The following JAK2 variants were observed in gnomAD, a reference collection of about 807,000 sequenced individuals.
JAK2 encodes the protein tyrosine-protein kinase JAK2.
In JAK2, 86 loss-of-function variants were observed where a neutral mutation model predicts 139.3. That is an observed-to-expected ratio of 0.62 (90% CI 0.52 to 0.74). JAK2 has a LOEUF of 0.74. JAK2 is among the 30% of genes least tolerant of loss of function. The pLI, the probability that JAK2 is intolerant of heterozygous loss-of-function variation, is 0.00. For synonymous variants in JAK2, 490 were observed against 437.7 expected (o/e 1.12, Z -1.49); for missense variants, 1,421 against 1,360.3 (o/e 1.04, Z -0.70).
intron 5 of JAK2, among the ~76,000 whole-genome samples, chr9:5,047,806 G>C (rs1817120482): frequency 6.6e-6 from 1 of 151,948 alleles, no homozygotes; most frequent in African/African-American, 2.4e-5. Context: ...TCGCTCTATT[G>C]TCCAGGCTGG....
At position 5,029,828 on chromosome 9, in the gene JAK2, C is replaced by A; in HGVS notation, c.272C>A (p.Thr91Lys). The A allele has an allele frequency of 1.9e-6, 3 of 1,610,850 alleles. No homozygotes were observed. The highest frequency in any genetic ancestry group is 8.5e-7 in the Non-Finnish European group (1 of 1,177,458). ...YHNMFALMSE[T>K]ERIWYPPNHV... is the part of the protein sequence containing the mutation. Reference sequence around the variant, plus strand: ...AATATGTTTGCTTTAATGAGTGAAACAGAAAGGATCTGGTATCCACCCAAC... The same window carrying A: ...AATATGTTTGCTTTAATGAGTGAAAAAGAAAGGATCTGGTATCCACCCAAC... Residue 91 changes from threonine to lysine, a missense_variant, in exon 4 of 25, where the codon ACA becomes AAA. Coordinates refer to ENST00000381652, the MANE Select transcript of JAK2 (RefSeq NM_004972.4).
chr9:5,123,093 A>G lies in JAK2; in HGVS notation c.3149A>G (p.Tyr1050Cys), dbSNP rs745914121. ...FGVVLYELFT[Y>C]IEKSKSPPAE... is the part of the protein sequence containing the mutation. ...GTGGTTCTGTATGAACTTTTCACAT[A>G]CATTGAGAAGAGTAAAAGTCCACCA... is the stretch of plus-strand genomic sequence containing the variant. The change falls in exon 23 of 25, where the codon TAC becomes TGC. Residue 1050 changes from tyrosine to cysteine, a missense_variant. Tyr to Cys is a radical substitution (Grantham distance 194). Coordinates refer to ENST00000381652, the MANE Select transcript of JAK2 (RefSeq NM_004972.4). 1.9e-6 allele frequency: 3 copies of G among 1,609,112 alleles called. No homozygotes were observed. The highest frequency in any genetic ancestry group is 2.5e-6 in the Non-Finnish European group (3 of 1,177,086).
intron 2 of JAK2, among the ~76,000 whole-genome samples, chr9:4,997,183 C>T (rs1196404272): frequency 1.3e-5 from 2 of 152,094 alleles, no homozygotes; most frequent in East Asian, 3.8e-4. Flanking sequence ...CTTTCTGCAT[C>T]AGCCTCCCAA....
chr9:5,100,861 A>G (rs1821424718), intron 22 of JAK2: 1 of 152,304 alleles, frequency 6.6e-6, no homozygotes, highest in Non-Finnish European at 1.5e-5. Context: ...TCATGTTATT[A>G]CTGGATCAAC....
At chr9:5,064,034 T>C (rs1286296436) in intron 8 of JAK2, among the ~76,000 whole-genome samples, 6 of 152,124 alleles carry the variant, frequency 3.9e-5, no homozygotes, top group Non-Finnish European at 7.3e-5. Context: ...CGTGTGCCTG[T>C]AATCCCAGCT....
chr9:5,051,603 C>T (rs1448350900), intron 6 of JAK2, among the ~76,000 whole-genome samples: 4 of 152,076 alleles, frequency 2.6e-5, no homozygotes, highest in African/African-American at 9.7e-5. Context: ...TTGAACTTGA[C>T]AATCATGGCT....
At chr9:5,089,944 C>T (rs548066870) in intron 20 of JAK2, 81 bp downstream of exon 20, 4 of 961,352 alleles carry the variant, frequency 4.2e-6, no homozygotes, top group East Asian at 6.2e-5. Context: ...AATGTCTTAA[C>T]GATCTGGACT....
intron 22 of JAK2, chr9:5,112,828 C>T: frequency 1.8e-6 from 1 of 559,546 alleles, no homozygotes. Context: ...GTGAAGCCCA[C>T]AACCCCGCTG....
At chr9:5,050,952 C>G in intron 6 of JAK2, 121 bp downstream of exon 6, 1 of 820,104 alleles carries the variant, frequency 1.2e-6, no homozygotes, top group Non-Finnish European at 1.9e-6. Context: ...TACTCCTTAT[C>G]TAAAATGCTT....
intron 14 of JAK2, among the ~76,000 whole-genome samples, 175 bp from the exon 15 acceptor site, chr9:5,077,278 C>G (rs927561815): frequency 4.0e-5 from 6 of 150,522 alleles, no homozygotes; most frequent in African/African-American, 1.5e-4. Context: ...TGTAAGTAAA[C>G]TAAAAACCAA....
chr9:5,100,229 A>G (rs906726396), intron 22 of JAK2: 2 of 152,198 alleles, frequency 1.3e-5, no homozygotes, highest in Non-Finnish European at 2.9e-5. Context: ...CTATATGACA[A>G]CACATAATGA....
At chr9:5,084,774 C>T (rs1819952040) in intron 19 of JAK2, among the ~76,000 whole-genome samples, 1 of 152,026 alleles carries the variant, frequency 6.6e-6, no homozygotes, top group Non-Finnish European at 1.5e-5. Context: ...ATCAAGACAC[C>T]TCAATTAGAA....
intron 23 of JAK2, chr9:5,126,106 C>A: frequency 2.6e-6 from 1 of 385,270 alleles, no homozygotes; most frequent in Non-Finnish European, 4.6e-6. Context: ...GAGCCCTCCT[C>A]AGGGGATTTG....
intron 4 of JAK2, among the ~76,000 whole-genome samples, chr9:5,043,593 C>G (rs550639502): frequency 2.0e-5 from 3 of 152,184 alleles, no homozygotes; most frequent in Non-Finnish European, 4.4e-5. Flanking sequence ...AATTCTACTT[C>G]TAGATATATA....
rs537966742 is a variant in JAK2 at position 5,042,685 on chromosome 9, C to G, written c.351-1718C>G. 3.3e-5 allele frequency among the ~76,000 whole-genome samples: 5 copies of G among 152,272 alleles called. No individual in the cohort carries two copies. The East Asian group carries it at 9.7e-4, about 30-fold the overall frequency. The stretch of plus-strand genomic sequence containing the variant: ...CCGTTTTCTCAGTGGGAGGGCAGGC[C>G]TGGCCTGGAGGGGTGCTGTGGGGCC... On this transcript the variant is annotated intron_variant, in intron 4 of 24. Coordinates refer to ENST00000381652, the MANE Select transcript of JAK2 (RefSeq NM_004972.4).
chr9:5,054,609 T>A lies in JAK2; in HGVS notation c.661T>A (p.Tyr221Asn). ...PKCIRAKIQD[Y>N]HILTRKRIRY... ...ATGTATTCGAGCAAAGATCCAAGACTATCATATTTTGACAAGGAAGCGAAT... is the reference window on the plus strand; with the variant it reads ...ATGTATTCGAGCAAAGATCCAAGACAATCATATTTTGACAAGGAAGCGAAT... The change falls in exon 7 of 25, where the codon TAT becomes AAT. Residue 221 changes from tyrosine (Y) to asparagine (N), a missense_variant. By Grantham distance (143) the Tyr-to-Asn change is moderately radical. Transcript: ENST00000381652. This position sits in a 1 kb window ranked among gnomAD's most constrained non-coding sequence, Gnocchi z 4.9. 1 of 1,611,780 alleles carries A rather than the reference T, an allele frequency of 6.2e-7. No homozygotes were observed. Among genetic ancestry groups the A allele is most frequent in the Non-Finnish European group, 8.5e-7 (1 of 1,178,642 alleles).
intron 22 of JAK2, chr9:5,114,253 G>C (rs1355024560): frequency 5.6e-6 from 3 of 540,284 alleles, no homozygotes; most frequent in South Asian, 1.6e-5. Context: ...ACAATCACCT[G>C]TCTGGTGGTG....
Position 5,054,908 on chromosome 9 carries a change from GTTC to G in JAK2, c.936+27_936+29del. ...AGGTAATCCTTAATGATATGTTCTT[GTTC>G]TTTGTTATTTTAAGTACAATGGAAA... On this transcript the variant is annotated intron_variant, in intron 7 of 24. Transcript: ENST00000381652. This position sits in a 1 kb window ranked among gnomAD's most constrained non-coding sequence, Gnocchi z 4.9. 1 of 1,478,724 alleles carries G rather than the reference GTTC, an allele frequency of 6.8e-7. No homozygotes were observed. Among genetic ancestry groups the G allele is most frequent in the African/African-American group, 1.4e-5 (1 of 70,488 alleles). The allele number at this position is 1,478,724 out of a possible 1,614,324, so 91.6% of individuals were successfully genotyped here.
At chr9:5,023,718 G>A (rs1822587987) in intron 3 of JAK2, among the ~76,000 whole-genome samples, 1 of 152,078 alleles carries the variant, frequency 6.6e-6, no homozygotes, top group African/African-American at 2.4e-5. Context: ...TGTTCCTCTT[G>A]GATAATCTAC....
Sources: gnomAD v4.1 joint callset for allele counts (sites outside exome capture counted in the v4.1 genomes callset) on GRCh38, gnomAD v4.1.1 for gene constraint, Gnocchi (gnomAD v3.1) non-coding constraint, MANE v1.5 for transcripts, NCBI Gene and HGNC (gene_info 2026-07-23, HGNC 2026-07-21) for gene names.